ERICH6: variants seen among roughly 807,000 people sequenced by gnomAD.
ERICH6 encodes glutamate-rich protein 6.
ERICH6 carries 71 observed loss-of-function variants against 71.0 expected under a neutral mutation model. The observed-to-expected ratio is 1.00, with a 90% CI of 0.83 to 1.22. The LOEUF (loss-of-function observed/expected upper bound fraction) is 1.22, where lower values mean the gene tolerates loss of function less well. ERICH6 is among the 50% of genes most tolerant of loss of function. The probability of loss-of-function intolerance (pLI) is 0.00; values close to 1 mark genes in which losing one functional copy is unlikely to be tolerated. For synonymous variants in ERICH6, 262 were observed against 278.4 expected (o/e 0.94, Z 0.59); for missense variants, 808 against 797.2 (o/e 1.01, Z -0.16).
chr3:150,696,955 C>T (rs982431223), intron 3 of ERICH6, among the ~76,000 whole-genome samples: 5 of 152,042 alleles, frequency 3.3e-5, no homozygotes, highest in African/African-American at 7.2e-5. Flanking sequence ...AAAGAGGAGG[C>T]GGCTTACTGT....
intron 3 of ERICH6, among the ~76,000 whole-genome samples, chr3:150,692,911 G>C (rs1486338639): frequency 6.6e-6 from 1 of 152,028 alleles, no homozygotes; most frequent in Admixed American, 6.6e-5. Context: ...TCAGAATAGA[G>C]GAAAAGCTTT....
intron 3 of ERICH6, among the ~76,000 whole-genome samples, chr3:150,696,079 G>A (rs1712646209): frequency 6.6e-6 from 1 of 151,768 alleles, no homozygotes; most frequent in Non-Finnish European, 1.5e-5. Flanking sequence ...TGTGATATTG[G>A]TATAGGAAAA....
At chr3:150,702,038 T>C in intron 2 of ERICH6, 83 bp downstream of exon 2, 3 of 958,790 alleles carry the variant, frequency 3.1e-6, no homozygotes, top group Non-Finnish European at 4.7e-6. Context: ...CCTGGATTAT[T>C]TTACTCTACT....
Position 150,666,867 on chromosome 3 carries a change from T to C in ERICH6, c.1648A>G (p.Ile550Val), listed in dbSNP as rs148079036. ...ATAGAAATCTTGTCTTGTTCTAAGATGCGGACTCCAATATAACGGTTCAAA... is the reference window on the plus strand; with the variant it reads ...ATAGAAATCTTGTCTTGTTCTAAGACGCGGACTCCAATATAACGGTTCAAA... ...LALNRYIGVR[I>V]LEQDKISITF... The change falls in exon 13 of 14, where the codon ATC (isoleucine) becomes GTC (valine). Residue 550 changes from isoleucine to valine, a missense_variant. Transcript: ENST00000295910. The C allele has an allele frequency of 6.2e-7, 1 of 1,614,084 alleles. No homozygotes were observed. The highest frequency in any genetic ancestry group is 1.3e-5 in the African/African-American group (1 of 74,932).
chr3:150,682,332 A>G lies in ERICH6; in HGVS notation c.784-16T>C. 4 of 1,596,592 alleles carry G rather than the reference A, an allele frequency of 2.5e-6. No individual in the cohort carries two copies. The highest frequency in any genetic ancestry group is 2.6e-6 in the Non-Finnish European group (3 of 1,169,272). ...CCTCTTCATCCTTCAGAGAGAGAGG[A>G]AAAAAATTAAAGAAGTCCCCACAAA... On this transcript the variant is annotated splice_polypyrimidine_tract_variant and intron_variant, in intron 6 of 13. Coordinates refer to ENST00000295910, the MANE Select transcript of ERICH6 (RefSeq NM_152394.5).
intron 6 of ERICH6, among the ~76,000 whole-genome samples, chr3:150,685,501 C>T (rs565847150): frequency 4.6e-5 from 7 of 152,306 alleles, no homozygotes; most frequent in African/African-American, 1.7e-4. Context: ...TTTCGAACTT[C>T]TAGTCTCCAT....
chr3:150,687,008 T>C (rs1712221951), intron 3 of ERICH6, among the ~76,000 whole-genome samples: 1 of 152,144 alleles, frequency 6.6e-6, no homozygotes, highest in African/African-American at 2.4e-5. Flanking sequence ...CTGTCTCTAC[T>C]AAAAATACAA....
chr3:150,661,680 T>C (rs1289392933), intron 13 of ERICH6, among the ~76,000 whole-genome samples: 1 of 152,210 alleles, frequency 6.6e-6, no homozygotes, highest in Non-Finnish European at 1.5e-5. Context: ...ATAAAAGATA[T>C]GTTAATTTTA....
At chr3:150,667,764 G>C (rs1470387754) in intron 12 of ERICH6, among the ~76,000 whole-genome samples, 1 of 152,146 alleles carries the variant, frequency 6.6e-6, no homozygotes, top group African/African-American at 2.4e-5. Context: ...AGTAGATATA[G>C]TGTTCTGGGT....
chr3:150,669,717 A>C (rs1283129703), intron 11 of ERICH6, among the ~76,000 whole-genome samples: 1 of 152,248 alleles, frequency 6.6e-6, no homozygotes, highest in Non-Finnish European at 1.5e-5. Context: ...CAGATATGCA[A>C]GGTTGGTTTA....
intron 3 of ERICH6, among the ~76,000 whole-genome samples, chr3:150,693,947 C>A (rs1030879974): frequency 1.3e-5 from 2 of 152,152 alleles, no homozygotes; most frequent in African/African-American, 2.4e-5. Context: ...TAAAGCCCTG[C>A]AAACTGAAGC....
At chr3:150,695,560 C>T (rs538233761) in intron 3 of ERICH6, among the ~76,000 whole-genome samples, 1 of 151,842 alleles carries the variant, frequency 6.6e-6, no homozygotes, top group East Asian at 1.9e-4. Context: ...CCCAGCTACT[C>T]GGGAAGCTGA....
At chr3:150,680,187 T>C (rs1711843187) in intron 9 of ERICH6, among the ~76,000 whole-genome samples, 1 of 152,244 alleles carries the variant, frequency 6.6e-6, no homozygotes, top group South Asian at 2.1e-4. Context: ...TTTTGACAGA[T>C]GTAGGCTATA....
chr3:150,688,794 C>A (rs946846269), intron 3 of ERICH6, among the ~76,000 whole-genome samples: 6 of 152,200 alleles, frequency 3.9e-5, no homozygotes, highest in African/African-American at 9.6e-5. Flanking sequence ...CCTTTCCAGA[C>A]GAAACCAATA....
chr3:150,700,289 T>C (rs13062854), intron 2 of ERICH6, among the ~76,000 whole-genome samples: 62,660 of 143,162 alleles, frequency 0.44, 14,113 homozygotes, highest in South Asian at 0.52. Flanking sequence ...GAGACGAGGT[T>C]TCACCATGTG....
chr3:150,670,606 T>C (rs746595704), intron 11 of ERICH6, among the ~76,000 whole-genome samples: 7 of 151,686 alleles, frequency 4.6e-5, no homozygotes, highest in Non-Finnish European at 8.8e-5. Flanking sequence ...TGTTCTTGTA[T>C]ATAGAAAATC....
At chr3:150,660,465 A>C (rs1727177081) in intron 13 of ERICH6, among the ~76,000 whole-genome samples, 1 of 152,138 alleles carries the variant, frequency 6.6e-6, no homozygotes, top group Non-Finnish European at 1.5e-5. Context: ...CCTGGAAAGT[A>C]CCCAGTGGGG....
chr3:150,679,781 C>T (rs1196069390), intron 9 of ERICH6, among the ~76,000 whole-genome samples: 1 of 152,114 alleles, frequency 6.6e-6, no homozygotes, highest in Admixed American at 6.5e-5. Context: ...CCTCAGCCTC[C>T]CGAGTAGCTG....
At chr3:150,702,421 C>T (rs1386707706) in intron 1 of ERICH6, among the ~76,000 whole-genome samples, 1 of 152,086 alleles carries the variant, frequency 6.6e-6, no homozygotes, top group African/African-American at 2.4e-5. Context: ...GGACTACAGG[C>T]GCACGCCGCC....
Sources: allele counts gnomAD v4.1 joint callset (sites outside exome capture counted in the v4.1 genomes callset), GRCh38; gene constraint gnomAD v4.1.1; transcripts MANE v1.5; gene names NCBI Gene and HGNC (gene_info 2026-07-23, HGNC 2026-07-21).